The following DLG1 variants were observed in gnomAD, a reference collection of about 807,000 sequenced individuals.
DLG1 encodes discs large MAGUK scaffold protein 1, also known as disks large homolog 1.
Under a neutral mutation model 123.4 loss-of-function variants are expected in DLG1, and 42 were observed. That is an observed-to-expected ratio of 0.34 (90% CI 0.27 to 0.44). The LOEUF (loss-of-function observed/expected upper bound fraction) is 0.44, where lower values mean the gene tolerates loss of function less well. Among genes scored for constraint, DLG1 ranks in the 20% least tolerant of loss-of-function variants. The probability of loss-of-function intolerance (pLI) is 1.00; values close to 1 mark genes in which losing one functional copy is unlikely to be tolerated. For synonymous variants in DLG1, 317 were observed against 356.2 expected (o/e 0.89, Z 1.24); for missense variants, 942 against 1,082.6 (o/e 0.87, Z 1.82).
chr3:197,064,076 C>T (rs906258835), intron 22 of DLG1, among the ~76,000 whole-genome samples: 8 of 151,926 alleles, frequency 5.3e-5, no homozygotes, highest in East Asian at 1.9e-4. Context: ...TGCACCACCA[C>T]GCCAAGTTAA....
rs750308804 is a variant in DLG1 at position 197,194,573 on chromosome 3, T to C, written c.335A>G (p.Asp112Gly). ...ATGCTCTTGAGGAGGTGTATCTTCATCCTGATACCTGTATTTCTGTAAAGA... is the reference window on the plus strand; with the variant it reads ...ATGCTCTTGAGGAGGTGTATCTTCACCCTGATACCTGTATTTCTGTAAAGA... ...SPSVEKYRYQ[D>G]EDTPPQEHIS... Residue 112 changes from aspartate to glycine, a missense_variant, in exon 5 of 25, where the codon GAT (aspartate) becomes GGT (glycine). Asp to Gly is a moderately conservative substitution (Grantham distance 94, BLOSUM62 -1). Coordinates refer to ENST00000667157, the MANE Select transcript of DLG1 (RefSeq NM_001366207.1). The C allele has an allele frequency of 6.3e-7, 1 of 1,591,654 alleles. No homozygotes were observed. The highest frequency in any genetic ancestry group is 8.5e-7 in the Non-Finnish European group (1 of 1,172,512).
At chr3:197,090,411 G>A (rs1757117239) in intron 15 of DLG1, among the ~76,000 whole-genome samples, 1 of 151,492 alleles carries the variant, frequency 6.6e-6, no homozygotes, top group African/African-American at 2.4e-5. Flanking sequence ...TAACATATTT[G>A]CCTTCTCCCA....
intron 4 of DLG1, among the ~76,000 whole-genome samples, chr3:197,241,820 G>T (rs148414385): frequency 6.6e-6 from 1 of 151,820 alleles, no homozygotes; most frequent in Non-Finnish European, 1.5e-5. Context: ...TGGTAACCAC[G>T]ATGCAAAAAC....
Position 197,069,006 on chromosome 3 carries a change from A to C in DLG1, c.2047+213T>G, listed in dbSNP as rs534945593. Among the ~76,000 whole-genome samples the C allele has an allele frequency of 7.3e-5, 9 of 123,078 alleles. No individual in the cohort carries two copies. In the South Asian group the frequency reaches 9.8e-4, roughly 13 times the overall value. 80.7% of individuals were successfully genotyped at this position (123,078 alleles called of 152,430 possible). ...TACATATGTATCATGTACACAAATA[A>C]TATTTTTATTTTATTAAAATTTTAT... On this transcript the variant is annotated intron_variant, in intron 19 of 24. Coordinates refer to ENST00000667157, the MANE Select transcript of DLG1 (RefSeq NM_001366207.1).
intron 4 of DLG1, among the ~76,000 whole-genome samples, chr3:197,260,957 CCTTT>C (rs1370183265): frequency 6.6e-6 from 1 of 151,904 alleles, no homozygotes; most frequent in East Asian, 1.9e-4. Flanking sequence ...CTAAAACTTG[CCTTT>C]TTTTCTTTGC....
chr3:197,089,027 A>C (rs779888978), intron 15 of DLG1, among the ~76,000 whole-genome samples: 16 of 152,184 alleles, frequency 1.1e-4, no homozygotes, highest in Non-Finnish European at 1.9e-4. Context: ...CATGGTTGTA[A>C]GACTAATGCG....
chr3:197,279,864 T>C (rs762732467), intron 4 of DLG1, among the ~76,000 whole-genome samples: 6 of 152,200 alleles, frequency 3.9e-5, no homozygotes, highest in Non-Finnish European at 7.4e-5. Context: ...AAAAATATTA[T>C]TATTGATATA....
At chr3:197,192,603 G>T (rs1720210481) in intron 5 of DLG1, among the ~76,000 whole-genome samples, 1 of 152,112 alleles carries the variant, frequency 6.6e-6, no homozygotes, top group South Asian at 2.1e-4. Context: ...TTCCCCAAGG[G>T]AGGATCAGAT....
chr3:197,097,184 A>G (rs1469236837), intron 14 of DLG1, among the ~76,000 whole-genome samples: 1 of 152,226 alleles, frequency 6.6e-6, no homozygotes, highest in Non-Finnish European at 1.5e-5. Context: ...AAAGGGAACT[A>G]CAGCTGGTTA....
chr3:197,282,905 G>A, intron 3 of DLG1, 60 bp from the exon 4 acceptor site: 1 of 1,044,544 alleles, frequency 9.6e-7, no homozygotes, highest in Non-Finnish European at 1.4e-6. Flanking sequence ...ATTATGCAAT[G>A]CTATAACAAC....
At chr3:197,086,557 A>G (rs986747408) in intron 15 of DLG1, among the ~76,000 whole-genome samples, 1 of 152,160 alleles carries the variant, frequency 6.6e-6, no homozygotes, top group African/African-American at 2.4e-5. Flanking sequence ...TGAAAATCGT[A>G]ATCTTTTTCA....
chr3:197,246,719 T>C (rs1235706237), intron 4 of DLG1, among the ~76,000 whole-genome samples: 1 of 152,168 alleles, frequency 6.6e-6, no homozygotes, highest in African/African-American at 2.4e-5. Context: ...TTTCTAGGGA[T>C]GGCAGCGCTA....
chr3:197,194,455 A>G lies in DLG1; in HGVS notation c.453T>C (p.Phe151=). 6.3e-7 allele frequency: 1 copy of G among 1,596,660 alleles called. No individual in the cohort carries two copies. Among genetic ancestry groups the G allele is most frequent in the Non-Finnish European group, 8.5e-7 (1 of 1,173,398 alleles). The change falls in exon 5 of 25, where the codon TTT becomes TTC. Residue 151 remains phenylalanine, a synonymous_variant. Coordinates refer to ENST00000667157, the MANE Select transcript of DLG1 (RefSeq NM_001366207.1). ...TTGGTGAAATATGAGAATGAGAAAC[A>G]AATCCATGGACATTCTCAATCTCTG... The part of the protein sequence containing the change: ...NLSEIENVHG[F]VSHSHISPIK...
Position 197,176,201 on chromosome 3 carries a change from T to TA in DLG1, c.483+18223_483+18224insT, listed in dbSNP as rs1194875186. On this transcript the variant is annotated intron_variant, in intron 5 of 24. Coordinates refer to ENST00000667157, the MANE Select transcript of DLG1 (RefSeq NM_001366207.1). The stretch of plus-strand genomic sequence containing the variant: ...TATAGTTTTTAATAGACTTTATATA[T>TA]TTTTTTAGAGCAGTTTTAGTTCCCA... Among the ~76,000 whole-genome samples, 9 of 152,210 alleles carry TA rather than the reference T, an allele frequency of 5.9e-5. No individual in the cohort carries two copies. The South Asian group carries it at 6.2e-4, about 11-fold the overall frequency.
intron 4 of DLG1, among the ~76,000 whole-genome samples, chr3:197,223,784 A>G (rs1738371293): frequency 1.3e-5 from 2 of 152,236 alleles, no homozygotes; most frequent in Admixed American, 1.3e-4. Flanking sequence ...TATAATTCCC[A>G]ATGTGTATTC....
At position 197,114,217 on chromosome 3, in the gene DLG1, G is replaced by GA. The variant is rs552654197; in HGVS notation, c.1443+1709dup. On this transcript the variant is annotated intron_variant, in intron 13 of 24. Transcript: ENST00000667157. ...GATGAGAGAAGTTTTTAGAATTGAT[G>GA]AAAGACATGACTCCTCTGACTCAGT... 8.5e-5 allele frequency among the ~76,000 whole-genome samples: 13 copies of GA among 152,202 alleles called. No homozygotes were observed. In the East Asian group the frequency reaches 2.5e-3, roughly 29 times the overall value.
intron 1 of DLG1, chr3:197,297,509 G>A: frequency 4.9e-6 from 6 of 1,218,808 alleles, no homozygotes; most frequent in Non-Finnish European, 6.2e-6. Context: ...ACCTGAGGCC[G>A]CCTCTTCCCC....
At chr3:197,174,245 T>C (rs1805853873) in intron 5 of DLG1, among the ~76,000 whole-genome samples, 1 of 152,136 alleles carries the variant, frequency 6.6e-6, no homozygotes, top group Non-Finnish European at 1.5e-5. Context: ...GACACCTAAG[T>C]TAACTTTTAC....
chr3:197,118,217 A>G lies in DLG1; in HGVS notation c.1286+1193T>C, dbSNP rs557017852. 2.6e-4 allele frequency among the ~76,000 whole-genome samples: 40 copies of G among 152,338 alleles called. No individual in the cohort carries two copies. In the South Asian group the frequency reaches 8.1e-3, roughly 31 times the overall value. On this transcript the variant is annotated intron_variant, in intron 12 of 24. Coordinates refer to ENST00000667157, the MANE Select transcript of DLG1 (RefSeq NM_001366207.1). ...TATTTTTTAGTTTGTAAAATATGCAAAGAGATTAAAGACTAGATAAGCCAT... is the reference window on the plus strand; with the variant it reads ...TATTTTTTAGTTTGTAAAATATGCAGAGAGATTAAAGACTAGATAAGCCAT...
Sources: allele counts gnomAD v4.1 joint callset (sites outside exome capture counted in the v4.1 genomes callset), GRCh38; gene constraint gnomAD v4.1.1; transcripts MANE v1.5; gene names NCBI Gene and HGNC (gene_info 2026-07-23, HGNC 2026-07-21).